Variants in SAMSN1 observed in about 807,000 individuals in gnomAD.
SAMSN1 encodes SAM domain, SH3 domain and nuclear localization signals 1.
A neutral mutation model predicts 42.0 loss-of-function variants in SAMSN1; 31 were observed. The ratio of observed to expected loss-of-function variants is 0.74; its 90% CI spans 0.55 to 1.00. The LOEUF is 1.00. SAMSN1 is among the 50% of genes least tolerant of loss of function. The pLI is 0.00. For missense variants in SAMSN1, 464 were observed against 439.4 expected, an observed-to-expected ratio of 1.06 and a Z score of -0.50; for synonymous variants, 178 against 151.9, an observed-to-expected ratio of 1.17 and a Z score of -1.26.
At chr21:14,503,796 A>G (rs1316933576) in intron 5 of SAMSN1, among the ~76,000 whole-genome samples, 1 of 152,148 alleles carries the variant, frequency 6.6e-6, no homozygotes, top group Non-Finnish European at 1.5e-5. Flanking sequence ...GATTGCAGAA[A>G]TAAATTAGGA....
intron 1 of SAMSN1, among the ~76,000 whole-genome samples, chr21:14,658,592 G>A (rs1211125421): frequency 1.3e-5 from 2 of 151,850 alleles, no homozygotes; most frequent in Non-Finnish European, 2.9e-5. Flanking sequence ...TTTAATGAAA[G>A]CATCCTTTCT....
At chr21:14,532,344 C>A (rs769948589) in intron 1 of SAMSN1, among the ~76,000 whole-genome samples, 20 of 152,052 alleles carry the variant, frequency 1.3e-4, no homozygotes, top group Non-Finnish European at 2.6e-4. Flanking sequence ...CACTTTTTTT[C>A]TTAGTAAGAA....
At chr21:14,512,944 A>G (rs1987752639) in intron 3 of SAMSN1, among the ~76,000 whole-genome samples, 1 of 152,166 alleles carries the variant, frequency 6.6e-6, no homozygotes, top group African/African-American at 2.4e-5. Flanking sequence ...ATTTACCACC[A>G]TTACTAATCC....
intron 2 of SAMSN1, among the ~76,000 whole-genome samples, chr21:14,557,496 C>A (rs1258959718): frequency 1.3e-5 from 2 of 152,172 alleles, no homozygotes; most frequent in African/African-American, 4.8e-5. Context: ...GGAACATGTT[C>A]AACCCCTGTT....
chr21:14,554,357 A>G (rs1980689491), intron 2 of SAMSN1, among the ~76,000 whole-genome samples: 1 of 152,178 alleles, frequency 6.6e-6, no homozygotes, highest in African/African-American at 2.4e-5. Context: ...GAATGAAAAG[A>G]GACACTATTA....
chr21:14,522,837 C>A (rs1212189613), intron 1 of SAMSN1, among the ~76,000 whole-genome samples: 2 of 152,196 alleles, frequency 1.3e-5, no homozygotes, highest in Non-Finnish European at 2.9e-5. Flanking sequence ...CCTATCCCCA[C>A]AACTCAGGGC....
upstream of SAMSN1, chr21:14,583,552 T>C (rs894334330): frequency 1.3e-5 from 8 of 610,380 alleles, no homozygotes; most frequent in African/African-American, 1.5e-4. Context: ...CAATGTTTAA[T>C]GATTATCTTA....
At chr21:14,572,220 G>A (rs969446451) in intron 2 of SAMSN1, among the ~76,000 whole-genome samples, 1 of 152,108 alleles carries the variant, frequency 6.6e-6, no homozygotes, top group African/African-American at 2.4e-5. Context: ...GTTCCAATTA[G>A]GTGTCAGGTA....
At chr21:14,654,350 A>G (rs1983881153) in intron 1 of SAMSN1, among the ~76,000 whole-genome samples, 1 of 152,054 alleles carries the variant, frequency 6.6e-6, no homozygotes, top group Admixed American at 6.6e-5. Flanking sequence ...ATTATTAAGA[A>G]CTAAGTAAGT....
intron 2 of SAMSN1, among the ~76,000 whole-genome samples, chr21:14,568,333 A>G (rs17003639): frequency 0.016 from 2,489 of 152,284 alleles, 48 homozygotes; most frequent in African/African-American, 0.055. Flanking sequence ...TCTAAGCAGC[A>G]CTGAGCTCTA....
intron 2 of SAMSN1, among the ~76,000 whole-genome samples, chr21:14,558,461 A>G (rs975185601): frequency 6.6e-6 from 1 of 152,102 alleles, no homozygotes; most frequent in African/African-American, 2.4e-5. Flanking sequence ...GTAGATCCAC[A>G]TGAGCTCAGG....
At chr21:14,601,757 T>C (rs1020068994) in intron 6 of SAMSN1, among the ~76,000 whole-genome samples, 2 of 152,224 alleles carry the variant, frequency 1.3e-5, no homozygotes, top group Non-Finnish European at 2.9e-5. Flanking sequence ...ATTAATTTAA[T>C]ATTCCCAGAG....
chr21:14,550,871 T>A (rs1026397284), upstream of SAMSN1, among the ~76,000 whole-genome samples: 1 of 152,084 alleles, frequency 6.6e-6, no homozygotes, highest in Non-Finnish European at 1.5e-5. Flanking sequence ...GAGATGAACA[T>A]ATCATGCAAA....
chr21:14,585,047 A>G (rs1183722481), upstream of SAMSN1, among the ~76,000 whole-genome samples: 1 of 152,248 alleles, frequency 6.6e-6, no homozygotes, highest in African/African-American at 2.4e-5. Flanking sequence ...TTTGCATTAA[A>G]TAAGTGGGAA....
At chr21:14,494,836 CCT>C (rs1986848205) in intron 7 of SAMSN1, among the ~76,000 whole-genome samples, 1 of 151,836 alleles carries the variant, frequency 6.6e-6, no homozygotes. Context: ...GGTTTTTTTC[CCT>C]GTTTTGTACC....
At chr21:14,651,453 T>C (rs1458453766) in intron 1 of SAMSN1, among the ~76,000 whole-genome samples, 1 of 151,966 alleles carries the variant, frequency 6.6e-6, no homozygotes, top group African/African-American at 2.4e-5. Flanking sequence ...TATCAATTTA[T>C]ACTAAAAAAT....
At chr21:14,505,019 A>G (rs1382603180) in intron 5 of SAMSN1, among the ~76,000 whole-genome samples, 1 of 152,232 alleles carries the variant, frequency 6.6e-6, no homozygotes, top group African/African-American at 2.4e-5. Context: ...TATGAAGGAA[A>G]GATACAGTCT....
upstream of SAMSN1, among the ~76,000 whole-genome samples, chr21:14,549,939 A>C (rs75635279): frequency 0.015 from 2,230 of 151,114 alleles, 26 homozygotes; most frequent in Non-Finnish European, 0.025. Flanking sequence ...AAAAAAAAAA[A>C]CTCTTTCTTT....
At chr21:14,590,707 G>A (rs1054190512) in intron 7 of SAMSN1, among the ~76,000 whole-genome samples, 1 of 152,108 alleles carries the variant, frequency 6.6e-6, no homozygotes, top group Admixed American at 6.5e-5. Context: ...CACTTGAATG[G>A]GAAGGTGCTT....
Sources: gnomAD v4.1 joint callset for allele counts (sites outside exome capture counted in the v4.1 genomes callset) on GRCh38, gnomAD v4.1.1 for gene constraint, MANE v1.5 for transcripts, NCBI Gene and HGNC (gene_info 2026-07-23, HGNC 2026-07-21) for gene names.